The following ELF2 variants were observed in gnomAD, a reference collection of about 807,000 sequenced individuals.
ELF2 encodes the protein E74 like ETS transcription factor 2.
ELF2 carries 11 observed loss-of-function variants against 54.8 expected under a neutral mutation model. That is an observed-to-expected ratio of 0.20 (90% CI 0.13 to 0.33). ELF2 has a LOEUF of 0.33. Ranked by LOEUF, ELF2 falls within the 10% of genes least tolerant of loss-of-function variation. The probability of loss-of-function intolerance (pLI) is 1.00; values close to 1 mark genes in which losing one functional copy is unlikely to be tolerated. For synonymous variants in ELF2, 203 were observed against 245.1 expected (o/e 0.83, Z 1.61); for missense variants, 513 against 703.0 (o/e 0.73, Z 3.06).
intron 1 of ELF2, among the ~76,000 whole-genome samples, chr4:139,174,374 G>A (rs1221750477): frequency 6.6e-6 from 1 of 152,116 alleles, no homozygotes; most frequent in East Asian, 1.9e-4. Flanking sequence ...GTCCACAACA[G>A]TCTAATCTAT....
chr4:139,113,423 C>T (rs184250324), intron 4 of ELF2, among the ~76,000 whole-genome samples: 16 of 152,034 alleles, frequency 1.1e-4, no homozygotes, highest in Non-Finnish European at 1.9e-4. Flanking sequence ...TGGGAGGGCG[C>T]GGTGGTGGGT....
intron 1 of ELF2, among the ~76,000 whole-genome samples, chr4:139,162,326 G>A (rs1304385134): frequency 2.6e-5 from 4 of 152,138 alleles, no homozygotes; most frequent in Admixed American, 2.6e-4. Context: ...AGACCAGCCA[G>A]TTTGAGACCA....
At chr4:139,067,649 T>C in intron 7 of ELF2, 35 bp downstream of exon 7, 1 of 1,602,606 alleles carries the variant, frequency 6.2e-7, no homozygotes, top group Non-Finnish European at 8.5e-7. Flanking sequence ...TGAAAAAAAA[T>C]CATCTCACTT....
chr4:139,165,986 T>C (rs1403643373), intron 1 of ELF2, among the ~76,000 whole-genome samples: 1 of 152,228 alleles, frequency 6.6e-6, no homozygotes, highest in African/African-American at 2.4e-5. Context: ...TATAATAAAC[T>C]TCATCAGATT....
At chr4:139,116,612 A>G (rs1735749336) in intron 4 of ELF2, 1 of 929,164 alleles carries the variant, frequency 1.1e-6, no homozygotes, top group South Asian at 5.0e-5. Flanking sequence ...GAAATATAAA[A>G]TTACAAACAT....
Position 139,151,010 on chromosome 4 carries a change from C to A in ELF2, c.-251-11513G>T, listed in dbSNP as rs576309611. 2.8e-4 allele frequency among the ~76,000 whole-genome samples: 30 copies of A among 107,028 alleles called. 1 individual carries two copies. Among genetic ancestry groups the A allele is most frequent in the Admixed American group, 1.6e-3 (16 of 9,878 alleles). The allele number at this position is 107,028 out of a possible 152,430, so 70.2% of individuals were successfully genotyped here. A position where few individuals can be genotyped will look rare whatever the true frequency, so the allele number is the denominator to read the frequency against. On this transcript the variant is annotated intron_variant, in intron 1 of 9. Coordinates refer to ENST00000686138, the MANE Select transcript of ELF2 (RefSeq NM_001331036.3). ...CTGCACTCCAGCTTAGGTGACGGAA[C>A]GAGGCTCCATCTCAAAAAAAAAAAA...
chr4:139,145,250 C>T lies in ELF2; in HGVS notation c.-251-5753G>A, dbSNP rs1013081893. 3.9e-5 allele frequency among the ~76,000 whole-genome samples: 6 copies of T among 152,246 alleles called. No individual in the cohort carries two copies. In the South Asian group the frequency reaches 6.2e-4, roughly 16 times the overall value. ...TACAACCAGCATTTAAGAAAGCCAA[C>T]GCACTACGGCTATTTACAACCAAGG... On this transcript the variant is annotated intron_variant, in intron 1 of 9. Transcript: ENST00000686138.
At chr4:139,061,843 A>T (rs748016663) in intron 8 of ELF2, 22 bp downstream of exon 8, 55 of 1,609,172 alleles carry the variant, frequency 3.4e-5, no homozygotes, top group Non-Finnish European at 4.5e-5. Flanking sequence ...TTGTTTGAAT[A>T]CTAGCTCATT....
At chr4:139,146,576 C>T (rs907532585) in intron 1 of ELF2, among the ~76,000 whole-genome samples, 1 of 152,074 alleles carries the variant, frequency 6.6e-6, no homozygotes, top group Non-Finnish European at 1.5e-5. Context: ...CAAAGCAATC[C>T]TAAACAAAAA....
At chr4:139,132,685 A>C (rs75124853) in intron 3 of ELF2, among the ~76,000 whole-genome samples, 1,822 of 151,982 alleles carry the variant, frequency 0.012, 12 homozygotes, top group East Asian at 0.039. Context: ...GCCTGTCTTC[A>C]TATGGCGGTA....
intron 1 of ELF2, among the ~76,000 whole-genome samples, chr4:139,150,867 A>G (rs1268726810): frequency 6.6e-6 from 1 of 151,744 alleles, no homozygotes; most frequent in Non-Finnish European, 1.5e-5. Flanking sequence ...TAAATAAAAC[A>G]CAAAAAAATT....
At chr4:139,143,201 G>A (rs115271287) in intron 1 of ELF2, among the ~76,000 whole-genome samples, 2,834 of 152,236 alleles carry the variant, frequency 0.019, 42 homozygotes, top group Non-Finnish European at 0.028. Flanking sequence ...CCCCCAACTC[G>A]AGGGTAGACA....
chr4:139,172,655 CTT>C (rs1394440924), intron 1 of ELF2, among the ~76,000 whole-genome samples: 2 of 152,076 alleles, frequency 1.3e-5, no homozygotes, highest in Non-Finnish European at 2.9e-5. Flanking sequence ...AAGAAAAAAA[CTT>C]TATGCTGTTT....
intron 1 of ELF2, among the ~76,000 whole-genome samples, chr4:139,166,085 C>T (rs1741691007): frequency 6.6e-6 from 1 of 152,174 alleles, no homozygotes; most frequent in Non-Finnish European, 1.5e-5. Flanking sequence ...CGCCTGTAAT[C>T]CCAGCACTTT....
chr4:139,093,914 T>C (rs1387934910), intron 4 of ELF2, among the ~76,000 whole-genome samples: 1 of 149,728 alleles, frequency 6.7e-6, no homozygotes, highest in Non-Finnish European at 1.5e-5. Flanking sequence ...TTTTTTTTTT[T>C]TTTGAGACGG....
chr4:139,132,260 A>G (rs1447180513), intron 3 of ELF2, among the ~76,000 whole-genome samples: 1 of 152,230 alleles, frequency 6.6e-6, no homozygotes, highest in African/African-American at 2.4e-5. Flanking sequence ...AAAGGAATCC[A>G]TTTGCAAAAT....
chr4:139,143,018 A>G (rs1013221432), intron 1 of ELF2, among the ~76,000 whole-genome samples: 2 of 152,246 alleles, frequency 1.3e-5, no homozygotes, highest in Non-Finnish European at 2.9e-5. Context: ...ATGGAGTAGG[A>G]TGCACCAGGA....
At chr4:139,132,308 ATC>A (rs1737570515) in intron 3 of ELF2, among the ~76,000 whole-genome samples, 2 of 152,206 alleles carry the variant, frequency 1.3e-5, no homozygotes, top group Admixed American at 6.5e-5. Flanking sequence ...CCAGATGAAA[ATC>A]TTTTTATTTT....
chr4:139,062,088 AT>A (rs767257089), intron 7 of ELF2, 31 bp from the exon 8 acceptor site: 53 of 1,573,590 alleles, frequency 3.4e-5, no homozygotes, highest in Non-Finnish European at 4.4e-5. Context: ...ATTGATTAAA[AT>A]TCATTAACAT....
Sources: gnomAD v4.1 joint callset for allele counts (sites outside exome capture counted in the v4.1 genomes callset) on GRCh38, gnomAD v4.1.1 for gene constraint, MANE v1.5 for transcripts, NCBI Gene and HGNC (gene_info 2026-07-23, HGNC 2026-07-21) for gene names.